The following BAZ1B variants were observed in gnomAD, a reference collection of about 807,000 sequenced individuals.
BAZ1B encodes tyrosine-protein kinase BAZ1B.
In BAZ1B, 22 loss-of-function variants were observed where a neutral mutation model predicts 153.8. The observed-to-expected ratio is 0.14, with a 90% confidence interval of 0.10 to 0.20. The LOEUF is 0.20. Ranked by LOEUF, BAZ1B falls within the 10% of genes least tolerant of loss-of-function variation. The probability of loss-of-function intolerance (pLI) is 1.00; values close to 1 mark genes in which losing one functional copy is unlikely to be tolerated. For missense variants in BAZ1B, 1,325 were observed against 1,799.3 expected, an observed-to-expected ratio of 0.74 and a Z score of 4.77; for synonymous variants, 676 against 633.4, an observed-to-expected ratio of 1.07 and a Z score of -1.01.
Position 73,511,141 on chromosome 7 carries a change from G to A in BAZ1B, c.108-289C>T, listed in dbSNP as rs185161002. On this transcript the variant is annotated intron_variant, in intron 1 of 19. Coordinates refer to ENST00000339594, the MANE Select transcript of BAZ1B (RefSeq NM_032408.4). ...AAATTAGCTGTGAGTGGTTGTGGGC[G>A]CCTGTAGTCCCAGCTACTCAGGAGG... is the stretch of plus-strand genomic sequence containing the variant. 3.9e-3 allele frequency among the ~76,000 whole-genome samples: 594 copies of A among 151,974 alleles called. 4 individuals are homozygous for A. The highest frequency in any genetic ancestry group is 0.014 in the African/African-American group (567 of 41,412).
At chr7:73,456,213 C>T (rs187855075) in intron 13 of BAZ1B, among the ~76,000 whole-genome samples, 1 of 152,088 alleles carries the variant, frequency 6.6e-6, no homozygotes, top group Admixed American at 6.5e-5. Context: ...TAGAAAAATA[C>T]AAGAGAAAGA....
chr7:73,491,062 C>T lies in BAZ1B; in HGVS notation c.694-1671G>A, dbSNP rs11560210. Among the ~76,000 whole-genome samples the T allele has an allele frequency of 5.3e-4, 81 of 151,696 alleles. 1 individual carries two copies. Among genetic ancestry groups the T allele is most frequent in the Admixed American group, 3.5e-3 (53 of 15,254 alleles). On this transcript the variant is annotated intron_variant, in intron 5 of 19. Transcript: ENST00000339594. ...CAGTACTTTGGGAAGCCGAGGCAGGCGGATCACAAGGTCAGGAGTTCAAGA... is the reference window on the plus strand; with the variant it reads ...CAGTACTTTGGGAAGCCGAGGCAGGTGGATCACAAGGTCAGGAGTTCAAGA...
Position 73,470,421 on chromosome 7 carries a change from C to G in BAZ1B, c.2656G>C (p.Ala886Pro). 6.2e-7 allele frequency: 1 copy of G among 1,614,122 alleles called. No individual in the cohort carries two copies. Among genetic ancestry groups the G allele is most frequent in the East Asian group, 2.2e-5 (1 of 44,864 alleles). ...GCCTTGGCAATCCCTTCCTGGAAAG[C>G]TTTCTCAGCAGCTGCTTTGTGCTTC... ...IRKHKAAAEKAFQEGIAKAKL... is the reference protein window; with the variant it reads ...IRKHKAAAEKPFQEGIAKAKL... Residue 886 changes from alanine to proline, a missense_variant, in exon 8 of 20, where the codon GCT becomes CCT. Ala to Pro is a conservative substitution (Grantham distance 27, BLOSUM62 -1). This residue lies in a region of BAZ1B where 431 missense variants were observed against 563.5 expected (regional missense o/e 0.76). Transcript: ENST00000339594.
chr7:73,457,973 G>A (rs1393931481), intron 13 of BAZ1B, among the ~76,000 whole-genome samples: 1 of 152,214 alleles, frequency 6.6e-6, no homozygotes, highest in Admixed American at 6.5e-5. Context: ...CTGTTCCTGA[G>A]TAGTATCCTT....
intron 1 of BAZ1B, among the ~76,000 whole-genome samples, chr7:73,517,027 C>G (rs1790834870): frequency 6.6e-6 from 1 of 150,616 alleles, no homozygotes; most frequent in South Asian, 2.1e-4. Flanking sequence ...ACTAAAAATA[C>G]AAAAAATTAG....
rs868978318 is a variant in BAZ1B, at chr7:73,456,645, A to G, written c.3432+2891T>C. Among the ~76,000 whole-genome samples, 3 of 152,234 alleles carry G rather than the reference A, an allele frequency of 2.0e-5. No homozygotes were observed. In the Middle Eastern group the frequency reaches 0.01, roughly 518 times the overall value. ...ATGGATACTATTAAAGAAACAGGAC[A>G]TTAGTATTGGCAAAGGCTGGGCGTG... On this transcript the variant is annotated intron_variant, in intron 13 of 19. Coordinates refer to ENST00000339594, the MANE Select transcript of BAZ1B (RefSeq NM_032408.4).
rs1369392556 is a variant in BAZ1B at position 73,478,134 on chromosome 7, T to C, written c.1327A>G (p.Met443Val). 2 of 1,614,098 alleles carry C rather than the reference T, an allele frequency of 1.2e-6. No individual in the cohort carries two copies. The change falls in exon 7 of 20, where the codon ATG (methionine) becomes GTG (valine). Residue 443 changes from methionine (M) to valine (V), a missense_variant. Transcript: ENST00000339594. ...TKMKQMTLLDMAKGTQKMTRA... is the reference protein window; with the variant it reads ...TKMKQMTLLDVAKGTQKMTRA... ...GTCATCTTCTGCGTGCCTTTGGCCATATCCAACAAAGTCATCTGCTTCATT... is the reference window on the plus strand; with the variant it reads ...GTCATCTTCTGCGTGCCTTTGGCCACATCCAACAAAGTCATCTGCTTCATT...
At position 73,470,353 on chromosome 7, in the gene BAZ1B, G is replaced by A. The variant is rs1554571814; in HGVS notation, c.2724C>T (p.Asn908=). ...TTGGTTTAGGAACTGACCTATTATG[G>A]TTTCGATCTGTGCCAATAGGAGTCC... ...MRRTPIGTDR[N]HNRYWLFSDE... The change falls in exon 8 of 20, where the codon AAC becomes AAT. Residue 908 remains asparagine (N), a synonymous_variant. Coordinates refer to ENST00000339594, the MANE Select transcript of BAZ1B (RefSeq NM_032408.4). 1.2e-6 allele frequency: 2 copies of A among 1,612,450 alleles called. No homozygotes were observed. Among genetic ancestry groups the A allele is most frequent in the Non-Finnish European group, 8.5e-7 (1 of 1,179,322 alleles).
intron 13 of BAZ1B, among the ~76,000 whole-genome samples, chr7:73,456,121 C>A (rs570565099): frequency 6.6e-6 from 1 of 152,024 alleles, no homozygotes; most frequent in Non-Finnish European, 1.5e-5. Context: ...AAAAATGAAG[C>A]TGAAGCCTTA....
rs1790551657 is a variant in BAZ1B at position 73,510,930 on chromosome 7, G to GA, written c.108-79dup. ...CATACCCATAAGATACTTATATACA[G>GA]AAAAAAATCTAGTCTCCTTTTTAAA... is the stretch of plus-strand genomic sequence containing the variant. On this transcript the variant is annotated intron_variant, in intron 1 of 19. Coordinates refer to ENST00000339594, the MANE Select transcript of BAZ1B (RefSeq NM_032408.4). 9.3e-6 allele frequency: 11 copies of GA among 1,177,402 alleles called. No individual in the cohort carries two copies. In the Admixed American group the frequency reaches 1.1e-4, roughly 11 times the overall value. The allele number at this position is 1,177,402 out of a possible 1,614,324, so 72.9% of individuals were successfully genotyped here.
At position 73,441,607 on chromosome 7, in the gene BAZ1B, C is replaced by G. The variant is rs1787620517; in HGVS notation, c.*102G>C. 1 of 152,594 alleles carries G rather than the reference C, an allele frequency of 6.6e-6. No homozygotes were observed. The highest frequency in any genetic ancestry group is 2.4e-5 in the African/African-American group (1 of 41,396). 9.5% of individuals were successfully genotyped at this position (152,594 alleles called of 1,614,324 possible). ...AATGGCTCCAGGACACGTCCCTTTA[C>G]TCTGCCAAGATCAACTCAAAAGACC... On this transcript the variant is annotated 3_prime_UTR_variant, in exon 20 of 20. Transcript: ENST00000339594.
In BAZ1B at chr7:73,502,985, G is replaced by T. The variant is rs370028161; in HGVS notation, c.370-4287C>A. On this transcript the variant is annotated intron_variant, in intron 3 of 19. Transcript: ENST00000339594. ...TTTTTCTGCTATAGAGTATTGTGTG[G>T]CTTAACAATTTGTTTATCCATTCAA... is the stretch of plus-strand genomic sequence containing the variant. 2.0e-4 allele frequency among the ~76,000 whole-genome samples: 30 copies of T among 152,236 alleles called. 1 individual carries two copies. In the East Asian group the frequency reaches 4.8e-3, roughly 24 times the overall value.
At chr7:73,459,228 C>CA (rs1325327948) in intron 13 of BAZ1B, among the ~76,000 whole-genome samples, 1 of 146,696 alleles carries the variant, frequency 6.8e-6, no homozygotes, top group African/African-American at 2.5e-5. Flanking sequence ...AGCCTGGTGA[C>CA]AGAGCGAGAC....
At chr7:73,485,975 C>T (rs1789391726) in intron 6 of BAZ1B, among the ~76,000 whole-genome samples, 1 of 152,126 alleles carries the variant, frequency 6.6e-6, no homozygotes, top group East Asian at 1.9e-4. Flanking sequence ...TGACAGTTAT[C>T]ACCCAATTGC....
chr7:73,462,672 C>T (rs1788434705), intron 12 of BAZ1B: 2 of 481,602 alleles, frequency 4.2e-6, no homozygotes, highest in Non-Finnish European at 3.7e-6. Flanking sequence ...TTTTCATTCA[C>T]CTTAGTAGTG....
At chr7:73,441,944 T>A (rs1176470975) in intron 19 of BAZ1B, 1 of 516,162 alleles carries the variant, frequency 1.9e-6, no homozygotes, top group African/African-American at 1.9e-5. Flanking sequence ...AGCTAGACCC[T>A]CGGACTCCTC....
chr7:73,444,115 T>C lies in BAZ1B; in HGVS notation c.3859A>G (p.Thr1287Ala), dbSNP rs962753504. 11 of 1,597,088 alleles carry C rather than the reference T, an allele frequency of 6.9e-6. No homozygotes were observed. Among genetic ancestry groups the C allele is most frequent in the Middle Eastern group, 1.7e-4 (1 of 6,020 alleles). Residue 1287 changes from threonine to alanine, a missense_variant, in exon 17 of 20, where the codon ACC becomes GCC. Transcript: ENST00000339594. Reference sequence around the variant, plus strand: ...ATGACGCTGTGCTTGCCCCGGATGGTCTTTCGAGGTCTCACTGAAAGAAAA... The same window carrying C: ...ATGACGCTGTGCTTGCCCCGGATGGCCTTTCGAGGTCTCACTGAAAGAAAA... ...VAGLRLRPRK[T>A]IRGKHSVIPP... is the part of the protein sequence containing the mutation.
rs1554573098 is a variant in BAZ1B at position 73,477,889 on chromosome 7, T to C, written c.1572A>G (p.Lys524=). Residue 524 remains lysine, a synonymous_variant, in exon 7 of 20, where the codon AAA becomes AAG. Transcript: ENST00000339594. The surrounding 1 kb of genome is among the most constrained non-coding windows in gnomAD (Gnocchi z 5.6). ...TTTTGTGCTCTAGAAGTTCATAGCG[T>C]TTTTGAACAAGACTTCGCAATTCTT... is the stretch of plus-strand genomic sequence containing the variant. ...LPEELRSLVQ[K]RYELLEHKKR... 2 of 1,614,018 alleles carry C rather than the reference T, an allele frequency of 1.2e-6. No individual in the cohort carries two copies. The highest frequency in any genetic ancestry group is 2.7e-5 in the African/African-American group (2 of 74,924).
chr7:73,508,741 C>T (rs1281355060), intron 2 of BAZ1B, among the ~76,000 whole-genome samples: 2 of 152,056 alleles, frequency 1.3e-5, no homozygotes, highest in Non-Finnish European at 2.9e-5. Flanking sequence ...GGGCAGGGCG[C>T]GGTGGCTCAC....
Sources: gnomAD v4.1 joint callset for allele counts (sites outside exome capture counted in the v4.1 genomes callset) on GRCh38, gnomAD v4.1.1 for gene constraint, gnomAD v4.1.1 regional missense constraint, Gnocchi (gnomAD v3.1) non-coding constraint, MANE v1.5 for transcripts, NCBI Gene and HGNC (gene_info 2026-07-23, HGNC 2026-07-21) for gene names.